KATNAL2: variants seen among roughly 807,000 people sequenced by gnomAD.
The protein encoded by KATNAL2 is katanin p60 ATPase-containing subunit A-like 2.
Under a neutral mutation model 76.3 loss-of-function variants are expected in KATNAL2, and 52 were observed. That is an observed-to-expected ratio of 0.68 (90% CI 0.55 to 0.86). The LOEUF (loss-of-function observed/expected upper bound fraction) is 0.86. KATNAL2 is among the 40% of genes least tolerant of loss of function. KATNAL2 has a pLI of 0.00. For synonymous variants in KATNAL2, 243 were observed against 244.2 expected (o/e 1.00, Z 0.05); for missense variants, 660 against 668.9 (o/e 0.99, Z 0.15).
chr18:47,045,219 A>G (rs2061115643), intron 3 of KATNAL2, among the ~76,000 whole-genome samples: 1 of 152,092 alleles, frequency 6.6e-6, no homozygotes, highest in Non-Finnish European at 1.5e-5. Context: ...TCAAATATTT[A>G]TATGCATATT....
At chr18:47,086,312 C>T (rs2062769257) in intron 15 of KATNAL2, among the ~76,000 whole-genome samples, 1 of 151,290 alleles carries the variant, frequency 6.6e-6, no homozygotes, top group Admixed American at 6.6e-5. Context: ...TGCCTGTAGG[C>T]TTTTTTTTTA....
At chr18:47,096,547 C>T (rs2063247058) in intron 15 of KATNAL2, among the ~76,000 whole-genome samples, 1 of 151,976 alleles carries the variant, frequency 6.6e-6, no homozygotes, top group South Asian at 2.1e-4. Context: ...ACTATGTTGC[C>T]CAGCATAGTC....
At chr18:46,958,368 C>T (rs1302690881) in intron 3 of KATNAL2, among the ~76,000 whole-genome samples, 1 of 151,768 alleles carries the variant, frequency 6.6e-6, no homozygotes, top group East Asian at 1.9e-4. Context: ...TTATAAATTC[C>T]CTATAATAAA....
intron 3 of KATNAL2, chr18:47,032,824 T>C (rs904225605): frequency 8.7e-7 from 1 of 1,154,594 alleles, no homozygotes; most frequent in South Asian, 1.6e-5. Flanking sequence ...TGGGAGGTAG[T>C]GGCTGGGTGT....
chr18:46,961,432 T>C (rs2059947046), intron 3 of KATNAL2, among the ~76,000 whole-genome samples: 1 of 152,238 alleles, frequency 6.6e-6, no homozygotes, highest in African/African-American at 2.4e-5. Flanking sequence ...ATTCATGTAA[T>C]ACACTTGTGT....
chr18:47,041,867 G>A (rs192290585), intron 3 of KATNAL2, among the ~76,000 whole-genome samples: 4 of 152,218 alleles, frequency 2.6e-5, no homozygotes, highest in South Asian at 2.1e-4. Flanking sequence ...CTACATCCTC[G>A]CCAGCATTTG....
chr18:47,075,284 T>A lies in KATNAL2; in HGVS notation c.1016T>A (p.Phe339Tyr). 2 of 1,555,074 alleles carry A rather than the reference T, an allele frequency of 1.3e-6. No individual in the cohort carries two copies. Among genetic ancestry groups the A allele is most frequent in the Non-Finnish European group, 1.7e-6 (2 of 1,157,126 alleles). Reference sequence around the variant, plus strand: ...TGCTTTTCCCCCACCCAGGTGTTATTTGAGCTTGCCCGCTACCACGCCCCA... The same window carrying A: ...TGCTTTTCCCCCACCCAGGTGTTATATGAGCTTGCCCGCTACCACGCCCCA... ...GDSEKLVRVL[F>Y]ELARYHAPST... The change falls in exon 14 of 18, where the codon TTT becomes TAT. Residue 339 changes from phenylalanine to tyrosine, a missense_variant. Phe to Tyr is a conservative substitution (Grantham distance 22, BLOSUM62 3). Coordinates refer to ENST00000683218, the MANE Select transcript of KATNAL2 (RefSeq NM_001387690.1).
intron 15 of KATNAL2, among the ~76,000 whole-genome samples, chr18:47,083,768 G>A (rs1039407267): frequency 6.6e-6 from 1 of 152,190 alleles, no homozygotes; most frequent in Admixed American, 6.5e-5. Flanking sequence ...GATGTGCCTT[G>A]ATTGTTGAGT....
In KATNAL2 at chr18:47,062,996, C is replaced by T; in HGVS notation, c.574C>T (p.Leu192=). The T allele has an allele frequency of 6.2e-7, 1 of 1,614,050 alleles. No homozygotes were observed. The change falls in exon 9 of 18, where the codon CTG becomes TTG. Residue 192 remains leucine (L), a synonymous_variant. Coordinates refer to ENST00000683218, the MANE Select transcript of KATNAL2 (RefSeq NM_001387690.1). ...GGGCCAAATCATTGACTTCCAAGGG[C>T]TGCTCACAGATGCCATCAAGGGAGC... ...RRGQIIDFQG[L]LTDAIKGATS...
intron 3 of KATNAL2, chr18:47,035,095 C>T (rs761784223): frequency 6.2e-6 from 10 of 1,610,796 alleles, no homozygotes; most frequent in East Asian, 4.5e-5. Flanking sequence ...CTGGTGCTTC[C>T]GCAGGCGCTT....
chr18:46,922,396 C>G (rs1419684097), intron 1 of KATNAL2, among the ~76,000 whole-genome samples: 1 of 152,004 alleles, frequency 6.6e-6, no homozygotes, highest in Non-Finnish European at 1.5e-5. Flanking sequence ...TGCTCCCGGC[C>G]TCAACTTTTT....
Position 47,085,312 on chromosome 18 carries a change from T to A in KATNAL2, c.1211+7851T>A, listed in dbSNP as rs148333792. On this transcript the variant is annotated intron_variant, in intron 15 of 17. Coordinates refer to ENST00000683218, the MANE Select transcript of KATNAL2 (RefSeq NM_001387690.1). ...TTATGGCAGTGAAAGAGATCTGATCTAACCAACCTCCATCTTGCCTTTAAT... is the reference window on the plus strand; with the variant it reads ...TTATGGCAGTGAAAGAGATCTGATCAAACCAACCTCCATCTTGCCTTTAAT... Among the ~76,000 whole-genome samples the A allele has an allele frequency of 2.8e-4, 43 of 152,322 alleles. 1 individual carries two copies. The highest frequency in any genetic ancestry group is 1.0e-3 in the African/African-American group (43 of 41,584).
chr18:46,961,747 T>A lies in KATNAL2; in HGVS notation c.51+14824T>A, dbSNP rs554003822. Among the ~76,000 whole-genome samples the A allele has an allele frequency of 8.5e-5, 13 of 152,318 alleles. No individual in the cohort carries two copies. The East Asian group carries it at 1.2e-3, about 14-fold the overall frequency. On this transcript the variant is annotated intron_variant, in intron 3 of 17. Transcript: ENST00000683218. ...GTTGAATTTTTCACAGACCTGATAT[T>A]CAGGTGAGAGAAAATAGTCCAAGGC...
chr18:47,033,549 T>C lies in KATNAL2; in HGVS notation c.52-12908T>C, dbSNP rs372652455. 41 of 1,612,466 alleles carry C rather than the reference T, an allele frequency of 2.5e-5. No homozygotes were observed. In the African/African-American group the frequency reaches 4.0e-4, roughly 16 times the overall value. ...TCTCTCTAACGAGTGCGTGATTGTC[T>C]TTCTTTCTGCGATACAGCTGATCGG... On this transcript the variant is annotated intron_variant, in intron 3 of 17. Coordinates refer to ENST00000683218, the MANE Select transcript of KATNAL2 (RefSeq NM_001387690.1).
chr18:47,045,330 T>TTTTCTTTTC (rs1491241447), intron 3 of KATNAL2, among the ~76,000 whole-genome samples: 23 of 41,932 alleles, frequency 5.5e-4, no homozygotes, highest in African/African-American at 1.3e-3. Flanking sequence ...TTTTCTTTTC[T>TTTTCTTTTC]TTTTTTTTTT....
chr18:47,098,603 G>A (rs2063347953), intron 15 of KATNAL2: 1 of 154,998 alleles, frequency 6.5e-6, no homozygotes, highest in African/African-American at 2.4e-5. Flanking sequence ...GAAGTTTAAG[G>A]AAATGGCCTA....
At chr18:46,959,167 A>G (rs2059855107) in intron 3 of KATNAL2, among the ~76,000 whole-genome samples, 1 of 152,260 alleles carries the variant, frequency 6.6e-6, no homozygotes, top group African/African-American at 2.4e-5. Flanking sequence ...ATCTATTGAA[A>G]TACCAATAGC....
chr18:47,075,103 ACCCCATGGG>A (rs58267082), intron 13 of KATNAL2, among the ~76,000 whole-genome samples, 165 bp from the exon 14 acceptor site: 1 of 152,288 alleles, frequency 6.6e-6, no homozygotes, highest in African/African-American at 2.4e-5. Flanking sequence ...GGACCATCCA[ACCCCATGGG>A]GTGAAGGTAG....
At chr18:46,942,010 T>C (rs2059259840) in intron 1 of KATNAL2, among the ~76,000 whole-genome samples, 1 of 152,044 alleles carries the variant, frequency 6.6e-6, no homozygotes, top group Non-Finnish European at 1.5e-5. Flanking sequence ...CTAATTTAAA[T>C]TAAAGGGTGA....
Sources: allele counts gnomAD v4.1 joint callset (sites outside exome capture counted in the v4.1 genomes callset), GRCh38; gene constraint gnomAD v4.1.1; transcripts MANE v1.5; gene names NCBI Gene and HGNC (gene_info 2026-07-23, HGNC 2026-07-21).